Variants in MAP7 observed in about 807,000 individuals in gnomAD.
MAP7 encodes the protein ensconsin.
In MAP7, 52 loss-of-function variants were observed where a neutral mutation model predicts 94.8. The observed-to-expected ratio is 0.55, with a 90% CI of 0.44 to 0.69. The LOEUF (loss-of-function observed/expected upper bound fraction) is 0.69. MAP7 is among the 30% of genes least tolerant of loss of function. MAP7 has a pLI of 0.00. For synonymous variants in MAP7, 350 were observed against 357.0 expected, an observed-to-expected ratio of 0.98 and a Z score of 0.22; for missense variants, 940 against 964.6, an observed-to-expected ratio of 0.97 and a Z score of 0.34.
intron 3 of MAP7, among the ~76,000 whole-genome samples, chr6:136,392,794 C>A (rs985924317): frequency 6.6e-6 from 1 of 152,134 alleles, no homozygotes; most frequent in Non-Finnish European, 1.5e-5. Context: ...TTGAGATATG[C>A]AGTATGATAA....
intron 1 of MAP7, among the ~76,000 whole-genome samples, chr6:136,520,860 G>A (rs143874396): frequency 2.6e-4 from 40 of 152,300 alleles, no homozygotes; most frequent in Non-Finnish European, 4.6e-4. Flanking sequence ...TGGTGCTGCC[G>A]GAGCACAAAG....
chr6:136,548,097 A>ACCCCCC (rs1250343885), intron 1 of MAP7, among the ~76,000 whole-genome samples: 2 of 44,876 alleles, frequency 4.5e-5, no homozygotes, highest in Non-Finnish European at 5.1e-5. Context: ...CACCACCACC[A>ACCCCCC]CCCCCCCCCA....
Position 136,393,262 on chromosome 6 carries a change from T to C in MAP7, c.245-3745A>G, listed in dbSNP as rs373197713. 1.6e-4 allele frequency among the ~76,000 whole-genome samples: 24 copies of C among 152,274 alleles called. No homozygotes were observed. In the South Asian group the frequency reaches 4.8e-3, roughly 30 times the overall value. On this transcript the variant is annotated intron_variant, in intron 3 of 17. Coordinates refer to ENST00000354570, the MANE Select transcript of MAP7 (RefSeq NM_003980.6). The stretch of plus-strand genomic sequence containing the variant: ...ACCATGCTTCTCCCAGATCTTTGCC[T>C]TTGTTATTGTCCTGTTGGGAAAGCT...
rs77665909 is a variant in MAP7 at position 136,477,154 on chromosome 6, G to A, written c.68-55355C>T. ...ACTTAGCAGATACCACCTCAAACACGTGATGGAGGTTAAAGCTGGAACAAA... is the reference window on the plus strand; with the variant it reads ...ACTTAGCAGATACCACCTCAAACACATGATGGAGGTTAAAGCTGGAACAAA... On this transcript the variant is annotated intron_variant, in intron 1 of 17. Coordinates refer to ENST00000354570, the MANE Select transcript of MAP7 (RefSeq NM_003980.6). Among the ~76,000 whole-genome samples the A allele has an allele frequency of 0.013, 2,051 of 152,262 alleles. 84 individuals are homozygous for A. The East Asian group carries it at 0.14, about 10-fold the overall frequency.
chr6:136,522,460 T>C (rs1371712108), intron 1 of MAP7, among the ~76,000 whole-genome samples: 1 of 152,154 alleles, frequency 6.6e-6, no homozygotes, highest in Non-Finnish European at 1.5e-5. Flanking sequence ...CTGAGTTATT[T>C]GATGTTTGCC....
Position 136,451,014 on chromosome 6 carries a change from T to C in MAP7, c.68-29215A>G, listed in dbSNP as rs185090744. 2.0e-5 allele frequency among the ~76,000 whole-genome samples: 3 copies of C among 152,280 alleles called. No individual in the cohort carries two copies. The East Asian group carries it at 5.8e-4, about 29-fold the overall frequency. On this transcript the variant is annotated intron_variant, in intron 1 of 17. Coordinates refer to ENST00000354570, the MANE Select transcript of MAP7 (RefSeq NM_003980.6). ...AAAGCTCTGAAAACATAAAGCAAGT[T>C]ACCCTTTTGTAAGAGAAATTTACAT...
intron 5 of MAP7, among the ~76,000 whole-genome samples, chr6:136,387,348 TA>T (rs1779443316): frequency 6.6e-6 from 1 of 151,974 alleles, no homozygotes; most frequent in South Asian, 2.1e-4. Flanking sequence ...AAAAAAGAAA[TA>T]AAAAACATAA....
At chr6:136,351,774 G>A (rs1450093149) in intron 16 of MAP7, among the ~76,000 whole-genome samples, 1 of 152,204 alleles carries the variant, frequency 6.6e-6, no homozygotes, top group Non-Finnish European at 1.5e-5. Flanking sequence ...CTGTGAAACT[G>A]GATCCAGACC....
intron 1 of MAP7, among the ~76,000 whole-genome samples, chr6:136,514,413 T>C (rs543800404): frequency 6.6e-6 from 1 of 151,048 alleles, no homozygotes; most frequent in South Asian, 2.1e-4. Flanking sequence ...GGCGAAACCC[T>C]GTCTCCACTA....
chr6:136,477,241 C>A (rs574304445), intron 1 of MAP7, among the ~76,000 whole-genome samples: 11 of 152,038 alleles, frequency 7.2e-5, no homozygotes, highest in Middle Eastern at 3.2e-3. Context: ...GGCATTCAGG[C>A]GAAAAATATA....
chr6:136,508,229 G>A (rs1169544217), intron 1 of MAP7, among the ~76,000 whole-genome samples: 2 of 152,080 alleles, frequency 1.3e-5, no homozygotes, highest in Non-Finnish European at 2.9e-5. Context: ...GGAGGCTGAG[G>A]TGGGAGGATC....
intron 1 of MAP7, among the ~76,000 whole-genome samples, chr6:136,520,467 T>A (rs1826069851): frequency 6.6e-6 from 1 of 152,222 alleles, no homozygotes; most frequent in Non-Finnish European, 1.5e-5. Context: ...TTTCATAATG[T>A]TCCATTTACT....
rs369817116 is a variant in MAP7 at position 136,344,252 on chromosome 6, C to T, written c.2240-14G>A. 2 of 1,305,128 alleles carry T rather than the reference C, an allele frequency of 1.5e-6. No individual in the cohort carries two copies. The highest frequency in any genetic ancestry group is 2.7e-5 in the East Asian group (1 of 36,774). 80.8% of individuals were successfully genotyped at this position (1,305,128 alleles called of 1,614,324 possible). On this transcript the variant is annotated splice_polypyrimidine_tract_variant and intron_variant, in intron 17 of 17. Transcript: ENST00000354570. ...CTCATATAACTTCTACATGAAGAGA[C>T]AGAAAAAGAACAAGATTAATATGAC...
chr6:136,416,347 T>C (rs919921355), intron 2 of MAP7, among the ~76,000 whole-genome samples: 1 of 152,074 alleles, frequency 6.6e-6, no homozygotes, highest in Non-Finnish European at 1.5e-5. Flanking sequence ...TTTTAATAAC[T>C]AAAAACTGAT....
chr6:136,502,142 G>T (rs1819996501), intron 1 of MAP7, among the ~76,000 whole-genome samples: 1 of 152,182 alleles, frequency 6.6e-6, no homozygotes, highest in African/African-American at 2.4e-5. Flanking sequence ...GCTTGTCAAG[G>T]AATCTACCAA....
At chr6:136,472,777 T>C (rs1809466465) in intron 1 of MAP7, among the ~76,000 whole-genome samples, 2 of 152,086 alleles carry the variant, frequency 1.3e-5, no homozygotes, top group Admixed American at 6.6e-5. Flanking sequence ...CATTACCACT[T>C]TGCTTCCAGC....
At position 136,375,558 on chromosome 6, in the gene MAP7, T is replaced by C. The variant is rs191607228; in HGVS notation, c.751+2197A>G. Among the ~76,000 whole-genome samples the C allele has an allele frequency of 2.6e-5, 4 of 152,090 alleles. No homozygotes were observed. The East Asian group carries it at 7.7e-4, about 29-fold the overall frequency. On this transcript the variant is annotated intron_variant, in intron 7 of 17. Transcript: ENST00000354570. ...AACATGAAAGAATAATCAAGGACAA[T>C]AGATGAAAAATAAAAATGATGGAAA...
chr6:136,532,156 C>T (rs1828522450), intron 1 of MAP7, among the ~76,000 whole-genome samples: 1 of 152,198 alleles, frequency 6.6e-6, no homozygotes, highest in South Asian at 2.1e-4. Context: ...GGACAACAAG[C>T]TCACTAAACA....
rs541985435 is a variant in MAP7, at chr6:136,529,096, G to A, written c.67+21246C>T. ...GGTGAGACCTTAAATTTAAATATCC[G>A]CCAAAGTAAAATAAACACTACTCTG... On this transcript the variant is annotated intron_variant, in intron 1 of 17. Transcript: ENST00000354570. 6.6e-5 allele frequency among the ~76,000 whole-genome samples: 10 copies of A among 151,954 alleles called. No homozygotes were observed. In the South Asian group the frequency reaches 1.7e-3, roughly 25 times the overall value.
Sources: gnomAD v4.1 joint callset for allele counts (sites outside exome capture counted in the v4.1 genomes callset) on GRCh38, gnomAD v4.1.1 for gene constraint, MANE v1.5 for transcripts, NCBI Gene and HGNC (gene_info 2026-07-23, HGNC 2026-07-21) for gene names.